Variants in NXPH1 observed in about 807,000 individuals in gnomAD.
NXPH1 encodes neurexophilin-1.
Under a neutral mutation model 23.7 loss-of-function variants are expected in NXPH1, and 5 were observed. The observed-to-expected ratio is 0.21, with a 90% CI of 0.11 to 0.44. NXPH1 has a LOEUF of 0.44. NXPH1 is among the 20% of genes least tolerant of loss of function. The pLI is 0.99. For synonymous variants in NXPH1, 144 were observed against 122.2 expected (o/e 1.18, Z -1.18); for missense variants, 324 against 321.6 (o/e 1.01, Z -0.06).
intron 2 of NXPH1, among the ~76,000 whole-genome samples, chr7:8,456,922 C>T (rs1436221645): frequency 1.8e-4 from 28 of 152,218 alleles, no homozygotes; most frequent in Admixed American, 1.7e-3. Context: ...CCCACTGCAG[C>T]CTAGATAAGG....
chr7:8,731,469 A>G (rs1041806006), intron 2 of NXPH1, among the ~76,000 whole-genome samples: 13 of 151,696 alleles, frequency 8.6e-5, no homozygotes, highest in Non-Finnish European at 1.6e-4. Context: ...CATCTTTGTG[A>G]TTTTATCTAC....
intron 2 of NXPH1, among the ~76,000 whole-genome samples, chr7:8,553,312 T>C (rs1562400215): frequency 1.3e-5 from 2 of 149,910 alleles, no homozygotes; most frequent in Non-Finnish European, 3.0e-5. Context: ...AAGTTCCAAT[T>C]TTTTTTTCTG....
chr7:8,588,742 T>G (rs529306408), intron 2 of NXPH1, among the ~76,000 whole-genome samples: 1 of 152,288 alleles, frequency 6.6e-6, no homozygotes, highest in Admixed American at 6.5e-5. Context: ...TGTTCTAAGA[T>G]GAGGGAGCTG....
intron 2 of NXPH1, among the ~76,000 whole-genome samples, chr7:8,562,063 C>T (rs780245322): frequency 2.6e-5 from 4 of 151,648 alleles, no homozygotes; most frequent in Non-Finnish European, 4.4e-5. Flanking sequence ...ATTTTAAGTG[C>T]TTGGCATGCT....
intron 2 of NXPH1, among the ~76,000 whole-genome samples, chr7:8,636,967 A>G (rs762339322): frequency 2.2e-4 from 34 of 152,144 alleles, no homozygotes; most frequent in Non-Finnish European, 7.4e-5. Flanking sequence ...CATTGCTTTG[A>G]TATTTATGAC....
At chr7:8,687,379 A>G (rs1821163152) in intron 2 of NXPH1, among the ~76,000 whole-genome samples, 1 of 152,128 alleles carries the variant, frequency 6.6e-6, no homozygotes, top group African/African-American at 2.4e-5. Context: ...ATTTAGTAGG[A>G]CTAATTTTAG....
At chr7:8,679,049 G>C (rs996263838) in intron 2 of NXPH1, among the ~76,000 whole-genome samples, 8 of 143,642 alleles carry the variant, frequency 5.6e-5, no homozygotes, top group African/African-American at 2.1e-4. Context: ...CCGGGTTCAC[G>C]CCATTCTCCT....
Position 8,710,335 on chromosome 7 carries a change from G to T in NXPH1, c.55-40673G>T, listed in dbSNP as rs868210597. ...TGTCTCCAGGCAGCTGGGGCAAATG[G>T]GCCTCCTTGCCTATCTGGAAATCTT... On this transcript the variant is annotated intron_variant, in intron 2 of 2. Transcript: ENST00000405863. Among the ~76,000 whole-genome samples, 10 of 152,244 alleles carry T rather than the reference G, an allele frequency of 6.6e-5. No individual in the cohort carries two copies. The Middle Eastern group carries it at 0.01, about 155-fold the overall frequency.
intron 2 of NXPH1, among the ~76,000 whole-genome samples, chr7:8,698,043 G>C (rs1024743583): frequency 6.6e-6 from 1 of 152,114 alleles, no homozygotes; most frequent in African/African-American, 2.4e-5. Flanking sequence ...TGATCACTTT[G>C]GTTGTTATAT....
rs78654753 is a variant in NXPH1 at position 8,625,908 on chromosome 7, A to G, written c.55-125100A>G. Among the ~76,000 whole-genome samples the G allele has an allele frequency of 4.6e-3, 700 of 152,326 alleles. 4 individuals carry two copies. The highest frequency in any genetic ancestry group is 0.016 in the African/African-American group (673 of 41,592). On this transcript the variant is annotated intron_variant, in intron 2 of 2. Coordinates refer to ENST00000405863, the MANE Select transcript of NXPH1 (RefSeq NM_152745.3). Reference sequence around the variant, plus strand: ...AATGGGAAGTTTCAAACAATGAGTCAGAGGACTGGGCTCTGATCTTGAGAA... The same window carrying G: ...AATGGGAAGTTTCAAACAATGAGTCGGAGGACTGGGCTCTGATCTTGAGAA...
intron 2 of NXPH1, among the ~76,000 whole-genome samples, chr7:8,694,437 T>C (rs569679446): frequency 1.3e-5 from 2 of 152,210 alleles, no homozygotes; most frequent in Non-Finnish European, 2.9e-5. Flanking sequence ...GAATGGTGAT[T>C]TCATTTCTCA....
At chr7:8,453,269 T>G (rs1816538024) in intron 2 of NXPH1, among the ~76,000 whole-genome samples, 1 of 152,164 alleles carries the variant, frequency 6.6e-6, no homozygotes, top group South Asian at 2.1e-4. Flanking sequence ...ACAATTGACA[T>G]GCGATCTTGC....
intron 2 of NXPH1, among the ~76,000 whole-genome samples, chr7:8,662,588 T>C (rs1820695277): frequency 6.6e-6 from 1 of 152,112 alleles, no homozygotes; most frequent in Non-Finnish European, 1.5e-5. Context: ...TGAAGGACTT[T>C]CAATTTTTTA....
chr7:8,483,965 C>CTTTTTTTTATTTTTTTTTTTTTTTT (rs1817116958), intron 2 of NXPH1, among the ~76,000 whole-genome samples: 1 of 132,336 alleles, frequency 7.6e-6, no homozygotes, highest in African/African-American at 3.1e-5. Context: ...CTCCCCCCAC[C>CTTTTTTTTATTTTTTTTTTTTTTTT]TTTTTTTTTT....
chr7:8,519,427 A>G (rs1584207269), intron 2 of NXPH1, among the ~76,000 whole-genome samples: 1 of 152,230 alleles, frequency 6.6e-6, no homozygotes, highest in Admixed American at 6.5e-5. Flanking sequence ...AATTTCCTAC[A>G]GTGTTTCCCA....
intron 2 of NXPH1, among the ~76,000 whole-genome samples, chr7:8,726,294 C>A (rs1282166309): frequency 2.0e-5 from 3 of 148,528 alleles, no homozygotes; most frequent in African/African-American, 5.0e-5. Flanking sequence ...TTTTTTTTTA[C>A]ACTTTACTGC....
intron 2 of NXPH1, among the ~76,000 whole-genome samples, chr7:8,488,263 C>T (rs373164185): frequency 0.055 from 8,283 of 151,812 alleles, 743 homozygotes; most frequent in African/African-American, 0.19. Flanking sequence ...ATCTTACATA[C>T]TACATCTTAC....
intron 2 of NXPH1, among the ~76,000 whole-genome samples, chr7:8,739,142 T>C (rs1374088245): frequency 1.6e-5 from 2 of 128,020 alleles, no homozygotes; most frequent in Non-Finnish European, 3.1e-5. Context: ...AACGGTTTCG[T>C]CTCACTGGAG....
At chr7:8,678,829 G>T (rs1820998219) in intron 2 of NXPH1, among the ~76,000 whole-genome samples, 1 of 151,074 alleles carries the variant, frequency 6.6e-6, no homozygotes. Flanking sequence ...TCCCACAGCA[G>T]AGTTGCTTTG....
Sources: allele counts gnomAD v4.1 joint callset (sites outside exome capture counted in the v4.1 genomes callset), GRCh38; gene constraint gnomAD v4.1.1; transcripts MANE v1.5; gene names NCBI Gene and HGNC (gene_info 2026-07-23, HGNC 2026-07-21).